Variants in EPHB1 observed in about 807,000 individuals in gnomAD.
The protein encoded by EPHB1 is EPH receptor B1, also known as ephrin type-B receptor 1.
In EPHB1, 30 loss-of-function variants were observed where a neutral mutation model predicts 94.4. The ratio of observed to expected loss-of-function variants is 0.32; its 90% confidence interval spans 0.24 to 0.43. EPHB1 has a LOEUF of 0.43. EPHB1 is among the 20% of genes least tolerant of loss of function. The probability of loss-of-function intolerance (pLI) is 1.00; values close to 1 mark genes in which losing one functional copy is unlikely to be tolerated. For missense variants in EPHB1, 1,055 were observed against 1,308.3 expected, an observed-to-expected ratio of 0.81 and a Z score of 2.99; for synonymous variants, 522 against 489.1, an observed-to-expected ratio of 1.07 and a Z score of -0.89.
intron 3 of EPHB1, among the ~76,000 whole-genome samples, chr3:134,964,311 GT>G (rs1933646494): frequency 6.6e-6 from 1 of 152,198 alleles, no homozygotes; most frequent in African/African-American, 2.4e-5. Flanking sequence ...CAGAGGCCTT[GT>G]CTGTCTGTTG....
intron 3 of EPHB1, among the ~76,000 whole-genome samples, chr3:135,089,767 T>C (rs989599195): frequency 3.3e-5 from 5 of 152,194 alleles, no homozygotes; most frequent in Admixed American, 2.6e-4. Flanking sequence ...TTTGGGGAAG[T>C]CCTTTCTCAA....
chr3:135,187,806 T>C (rs1022532904), intron 10 of EPHB1, among the ~76,000 whole-genome samples: 2 of 152,052 alleles, frequency 1.3e-5, no homozygotes, highest in Non-Finnish European at 2.9e-5. Flanking sequence ...TCACCATAAG[T>C]CTCAAAAGGC....
intron 1 of EPHB1, among the ~76,000 whole-genome samples, chr3:134,904,438 C>T (rs377168944): frequency 1.3e-5 from 2 of 151,918 alleles, no homozygotes; most frequent in Admixed American, 1.3e-4. Flanking sequence ...GGGGTGCCTG[C>T]GAGTGGGTGT....
rs1325153645 is a variant in EPHB1 at position 135,108,443 on chromosome 3, G to A, written c.961+1840G>A. Among the ~76,000 whole-genome samples the A allele has an allele frequency of 3.9e-5, 6 of 152,180 alleles. No individual in the cohort carries two copies. In the South Asian group the frequency reaches 6.2e-4, roughly 16 times the overall value. On this transcript the variant is annotated intron_variant, in intron 4 of 15. Transcript: ENST00000398015. ...AATGCATGTTACCTTTTGCAGCCCT[G>A]TTTAGGCATTTGTTTCTTTTATTTT...
chr3:135,133,472 G>T (rs1940500411), intron 5 of EPHB1, among the ~76,000 whole-genome samples: 1 of 152,210 alleles, frequency 6.6e-6, no homozygotes, highest in South Asian at 2.1e-4. Flanking sequence ...CAGACAGATG[G>T]TGAGTGAGTG....
intron 1 of EPHB1, among the ~76,000 whole-genome samples, chr3:134,848,725 A>G (rs942786831): frequency 2.0e-5 from 3 of 152,140 alleles, no homozygotes; most frequent in Non-Finnish European, 4.4e-5. Flanking sequence ...CTTCAGCCCA[A>G]ACCTCAAGGT....
intron 3 of EPHB1, among the ~76,000 whole-genome samples, chr3:135,025,307 C>G (rs1936123009): frequency 7.7e-6 from 1 of 129,586 alleles, no homozygotes. Flanking sequence ...GTGTGCTGCA[C>G]CCACTAACTC....
At chr3:135,028,107 T>C (rs1936263874) in intron 3 of EPHB1, among the ~76,000 whole-genome samples, 1 of 144,640 alleles carries the variant, frequency 6.9e-6, no homozygotes, top group African/African-American at 2.7e-5. Context: ...TATTTGATTC[T>C]TCTCTCTTTT....
intron 1 of EPHB1, among the ~76,000 whole-genome samples, chr3:134,835,645 C>A (rs1272899089): frequency 1.3e-5 from 2 of 152,172 alleles, no homozygotes; most frequent in African/African-American, 4.8e-5. Context: ...CCTATTCCAG[C>A]ATCTGATTTA....
At chr3:134,965,304 C>T (rs1223406813) in intron 3 of EPHB1, among the ~76,000 whole-genome samples, 3 of 152,168 alleles carry the variant, frequency 2.0e-5, no homozygotes, top group African/African-American at 4.8e-5. Context: ...TTTTACATAC[C>T]TGATGAGAGT....
intron 3 of EPHB1, among the ~76,000 whole-genome samples, chr3:134,984,840 G>T (rs1378932169): frequency 1.3e-5 from 2 of 152,178 alleles, no homozygotes; most frequent in African/African-American, 4.8e-5. Flanking sequence ...GGGGCTAGGG[G>T]CGAGCCAGAG....
chr3:134,984,342 C>A (rs1934518312), intron 3 of EPHB1, among the ~76,000 whole-genome samples: 1 of 152,144 alleles, frequency 6.6e-6, no homozygotes, highest in South Asian at 2.1e-4. Flanking sequence ...TGAACAGTGA[C>A]CCTGAGAGTA....
intron 1 of EPHB1, among the ~76,000 whole-genome samples, chr3:134,809,645 A>C (rs961473380): frequency 6.6e-6 from 1 of 152,180 alleles, no homozygotes; most frequent in Admixed American, 6.5e-5. Flanking sequence ...GCCCTCTTTT[A>C]TGGTGCCTGA....
chr3:134,971,696 G>A (rs1450809859), intron 3 of EPHB1, among the ~76,000 whole-genome samples: 3 of 152,096 alleles, frequency 2.0e-5, no homozygotes, highest in Admixed American at 6.5e-5. Flanking sequence ...CCAGCATGAT[G>A]CCCTGCAGAT....
At chr3:134,900,412 A>G (rs1321622449) in intron 1 of EPHB1, among the ~76,000 whole-genome samples, 1 of 152,216 alleles carries the variant, frequency 6.6e-6, no homozygotes, top group Non-Finnish European at 1.5e-5. Flanking sequence ...ATAGAATAAA[A>G]TGGTAGTCAA....
chr3:134,972,336 A>T (rs1348418886), intron 3 of EPHB1, among the ~76,000 whole-genome samples: 1 of 148,552 alleles, frequency 6.7e-6, no homozygotes, highest in East Asian at 1.9e-4. Context: ...GTGTGTGTAT[A>T]TATATAAATA....
intron 3 of EPHB1, among the ~76,000 whole-genome samples, chr3:134,963,123 T>C (rs1489814560): frequency 6.8e-6 from 1 of 146,092 alleles, no homozygotes; most frequent in Non-Finnish European, 1.5e-5. Context: ...TCCCTTCTTA[T>C]ACCTTCTCTT....
chr3:135,241,200 A>G lies in EPHB1; in HGVS notation c.2399A>G (p.Lys800Arg). Residue 800 changes from lysine (K) to arginine (R), a missense_variant, in exon 13 of 16, where the codon AAG becomes AGG. Transcript: ENST00000398015. Reference sequence around the variant, plus strand: ...GCTCCAGAGGCCATCGCCTACCGCAAGTTCACTTCAGCCAGCGACGTTTGG... The same window carrying G: ...GCTCCAGAGGCCATCGCCTACCGCAGGTTCACTTCAGCCAGCGACGTTTGG... ...WTAPEAIAYR[K>R]FTSASDVWSY... 6.2e-7 allele frequency: 1 copy of G among 1,614,142 alleles called. No individual in the cohort carries two copies. Among genetic ancestry groups the G allele is most frequent in the Non-Finnish European group, 8.5e-7 (1 of 1,180,026 alleles).
intron 3 of EPHB1, among the ~76,000 whole-genome samples, chr3:135,048,357 C>T (rs1470337955): frequency 3.4e-5 from 5 of 145,468 alleles, no homozygotes; most frequent in Admixed American, 6.9e-5. Context: ...GCAGCCTCGA[C>T]CTCCTGGGCT....
Sources: allele counts gnomAD v4.1 joint callset (sites outside exome capture counted in the v4.1 genomes callset), GRCh38; gene constraint gnomAD v4.1.1; transcripts MANE v1.5; gene names NCBI Gene and HGNC (gene_info 2026-07-23, HGNC 2026-07-21).